BEND6: variants seen among roughly 807,000 people sequenced by gnomAD.
BEND6 encodes BEN domain containing 6.
Under a neutral mutation model 31.8 loss-of-function variants are expected in BEND6, and 24 were observed. That is an observed-to-expected ratio of 0.75 (90% confidence interval 0.55 to 1.06). The LOEUF (loss-of-function observed/expected upper bound fraction) is 1.06. BEND6 is among the 50% of genes least tolerant of loss of function. BEND6 has a pLI of 0.00. For synonymous variants in BEND6, 109 were observed against 114.6 expected (o/e 0.95, Z 0.31); for missense variants, 294 against 327.4 (o/e 0.90, Z 0.79).
chr6:56,974,000 A>G (rs1327344268), intron 1 of BEND6, among the ~76,000 whole-genome samples: 1 of 152,136 alleles, frequency 6.6e-6, no homozygotes, highest in African/African-American at 2.4e-5. Context: ...TGATCTGCCC[A>G]CCTCAGCCTC....
intron 1 of BEND6, 32 bp from the exon 2 acceptor site, chr6:56,981,679 T>C (rs1371148075): frequency 2.1e-6 from 2 of 952,556 alleles, no homozygotes; most frequent in Non-Finnish European, 3.2e-6. Context: ...TGTGAATATG[T>C]TATGTGTCAT....
chr6:56,973,553 A>G lies in BEND6; in HGVS notation c.-100-8158A>G, dbSNP rs190089994. 6.1e-4 allele frequency among the ~76,000 whole-genome samples: 93 copies of G among 152,326 alleles called. 1 individual carries two copies. Among genetic ancestry groups the G allele is most frequent in the African/African-American group, 2.1e-3 (89 of 41,566 alleles). On this transcript the variant is annotated intron_variant, in intron 1 of 6. Coordinates refer to ENST00000370746, the MANE Select transcript of BEND6 (RefSeq NM_152731.3). ...ACAATTATAATGATATACTGTAATA[A>G]AAGTAAGGTGAATGTGGTCTTCCTC...
intron 6 of BEND6, among the ~76,000 whole-genome samples, chr6:57,025,194 G>A (rs888271365): frequency 3.2e-4 from 48 of 152,216 alleles, no homozygotes; most frequent in African/African-American, 9.1e-4. Context: ...ACATATCACC[G>A]TCTCACTAAG....
chr6:57,004,180 A>G (rs752110755), intron 3 of BEND6, among the ~76,000 whole-genome samples: 6 of 152,210 alleles, frequency 3.9e-5, no homozygotes, highest in Non-Finnish European at 5.9e-5. Context: ...TAGCCAGAAC[A>G]ATGAAGCAAG....
At chr6:57,003,539 A>T (rs1483714664) in intron 3 of BEND6, among the ~76,000 whole-genome samples, 1 of 151,828 alleles carries the variant, frequency 6.6e-6, no homozygotes, top group Admixed American at 6.6e-5. Flanking sequence ...AACAACAACA[A>T]CAAAAACTAC....
intron 2 of BEND6, among the ~76,000 whole-genome samples, chr6:56,986,416 C>T (rs1485010332): frequency 6.6e-6 from 1 of 151,512 alleles, no homozygotes; most frequent in African/African-American, 2.4e-5. Context: ...CCAGCCCGGG[C>T]AAAAGAGCAA....
intron 1 of BEND6, among the ~76,000 whole-genome samples, chr6:56,978,259 G>T (rs1472277566): frequency 2.0e-5 from 3 of 151,632 alleles, no homozygotes; most frequent in Non-Finnish European, 4.4e-5. Context: ...CTCCAGCCTG[G>T]GTGAGAGAGC....
intron 6 of BEND6, among the ~76,000 whole-genome samples, chr6:57,021,354 C>T (rs1378296529): frequency 6.6e-6 from 1 of 152,132 alleles, no homozygotes; most frequent in East Asian, 1.9e-4. Flanking sequence ...GCCTATGGCC[C>T]TGCCCTGCCA....
intron 1 of BEND6, among the ~76,000 whole-genome samples, chr6:56,968,210 A>G (rs576231396): frequency 6.6e-6 from 1 of 151,866 alleles, no homozygotes; most frequent in East Asian, 1.9e-4. Context: ...AAAGATAAGA[A>G]TGTTTTTCTT....
intron 3 of BEND6, among the ~76,000 whole-genome samples, chr6:57,011,907 C>T (rs975693412): frequency 3.3e-5 from 5 of 151,918 alleles, no homozygotes; most frequent in Non-Finnish European, 5.9e-5. Flanking sequence ...GGGCAGATCA[C>T]GTGAGGTGAG....
At chr6:57,004,399 T>C in intron 3 of BEND6, 1 of 529,450 alleles carries the variant, frequency 1.9e-6, no homozygotes. Context: ...CAACAGTGCT[T>C]GGACAGAACC....
chr6:56,959,064 G>A (rs1408181835), intron 1 of BEND6, among the ~76,000 whole-genome samples: 2 of 152,202 alleles, frequency 1.3e-5, no homozygotes, highest in African/African-American at 4.8e-5. Flanking sequence ...AGTTTCTAGG[G>A]AATTTGGGAG....
intron 1 of BEND6, among the ~76,000 whole-genome samples, chr6:56,979,201 T>G (rs1825987156): frequency 6.6e-6 from 1 of 152,180 alleles, no homozygotes; most frequent in Non-Finnish European, 1.5e-5. Context: ...TGGGAGTAAT[T>G]AGTCTTCAAA....
chr6:56,963,540 C>T (rs1253261708), intron 1 of BEND6, among the ~76,000 whole-genome samples: 3 of 152,120 alleles, frequency 2.0e-5, no homozygotes, highest in Non-Finnish European at 2.9e-5. Context: ...TTTGGTAAAA[C>T]GGCTCCATGG....
chr6:56,968,918 A>T (rs1986261), intron 1 of BEND6, among the ~76,000 whole-genome samples: 109,235 of 151,578 alleles, frequency 0.72, 40,042 homozygotes, highest in South Asian at 0.89. Flanking sequence ...TAATAAAAAT[A>T]AAAAAAATTA....
chr6:56,977,401 G>C (rs1040474750), intron 1 of BEND6, among the ~76,000 whole-genome samples: 1 of 152,120 alleles, frequency 6.6e-6, no homozygotes, highest in African/African-American at 2.4e-5. Context: ...GGCAAAAATA[G>C]TTTCAAAGAA....
intron 1 of BEND6, among the ~76,000 whole-genome samples, chr6:56,978,856 G>A (rs1165779540): frequency 6.6e-6 from 1 of 152,180 alleles, no homozygotes; most frequent in Non-Finnish European, 1.5e-5. Context: ...ACTTAATAAT[G>A]TTTCTTAACT....
At chr6:57,013,912 G>A (rs1827436094) in intron 3 of BEND6, 1 of 152,246 alleles carries the variant, frequency 6.6e-6, no homozygotes, top group African/African-American at 2.4e-5. Flanking sequence ...ATGGACTTGG[G>A]AGGCAGCCAG....
intron 6 of BEND6, among the ~76,000 whole-genome samples, chr6:57,023,087 G>C (rs528552293): frequency 8.5e-5 from 13 of 152,292 alleles, no homozygotes; most frequent in Non-Finnish European, 1.6e-4. Flanking sequence ...TGAAAACAAT[G>C]TGTATTTTAT....
Sources: allele counts gnomAD v4.1 joint callset (sites outside exome capture counted in the v4.1 genomes callset), GRCh38; gene constraint gnomAD v4.1.1; transcripts MANE v1.5; gene names NCBI Gene and HGNC (gene_info 2026-07-23, HGNC 2026-07-21).